ITFG2: variants seen among roughly 807,000 people sequenced by gnomAD.
ITFG2 encodes the protein KICSTOR complex protein ITFG2.
In ITFG2, 36 loss-of-function variants were observed where a neutral mutation model predicts 54.4. The observed-to-expected ratio is 0.66, with a 90% CI of 0.51 to 0.87. The LOEUF is 0.87. Among genes scored for constraint, ITFG2 ranks in the 40% least tolerant of loss-of-function variants. The probability of loss-of-function intolerance (pLI) is 0.00; values close to 1 mark genes in which losing one functional copy is unlikely to be tolerated. For synonymous variants in ITFG2, 211 were observed against 225.4 expected (o/e 0.94, Z 0.57); for missense variants, 524 against 576.7 (o/e 0.91, Z 0.94).
chr12:2,841,230 AG>A (rs1461075291), intron 2 of ITFG2, among the ~76,000 whole-genome samples: 2 of 152,232 alleles, frequency 1.3e-5, no homozygotes, highest in East Asian at 1.9e-4. Flanking sequence ...CCCGCTGCTC[AG>A]TCACCCTGGC....
At chr12:2,850,794 T>A (rs184460601) in intron 2 of ITFG2, among the ~76,000 whole-genome samples, 244 of 151,368 alleles carry the variant, frequency 1.6e-3, no homozygotes, top group African/African-American at 5.6e-3. Flanking sequence ...TGCCTCAGCC[T>A]CCCAAGTAGC....
Position 2,817,957 on chromosome 12 carries a change from A to C in ITFG2, c.234+7A>C, listed in dbSNP as rs771347341. 6.2e-7 allele frequency: 1 copy of C among 1,613,544 alleles called. No homozygotes were observed. The highest frequency in any genetic ancestry group is 1.1e-5 in the South Asian group (1 of 90,994). On this transcript the variant is annotated splice_region_variant and intron_variant, in intron 3 of 11. Transcript: ENST00000228799. ...CGTGTGTAATAAAGGAAAGGTAAGAACTATAGGGGACCTTCCTTGGTTCTT... is the reference window on the plus strand; with the variant it reads ...CGTGTGTAATAAAGGAAAGGTAAGACCTATAGGGGACCTTCCTTGGTTCTT...
At chr12:2,854,277 G>A (rs1248548220) in intron 2 of ITFG2, among the ~76,000 whole-genome samples, 1 of 151,944 alleles carries the variant, frequency 6.6e-6, no homozygotes, top group Non-Finnish European at 1.5e-5. Context: ...CGGCCGCCTC[G>A]GCCTCCTAAA....
chr12:2,827,492 A>G (rs2097974222), downstream of ITFG2: 10 of 1,548,158 alleles, frequency 6.5e-6, no homozygotes, highest in South Asian at 1.1e-4. This position sits in a 1 kb window ranked among gnomAD's most constrained non-coding sequence, Gnocchi z 4.0. Context: ...GTAAGTAAGG[A>G]ACCTCTAAGG....
chr12:2,827,575 C>T (rs1451113233), downstream of ITFG2: 3 of 1,613,650 alleles, frequency 1.9e-6, no homozygotes, highest in South Asian at 3.3e-5. This position sits in a 1 kb window ranked among gnomAD's most constrained non-coding sequence, Gnocchi z 4.0. Context: ...CCTGTGCCTT[C>T]TACTACTTTT....
chr12:2,820,272 A>G, intron 5 of ITFG2, 47 bp downstream of exon 5: 2 of 1,517,672 alleles, frequency 1.3e-6, no homozygotes, highest in Non-Finnish European at 1.8e-6. Context: ...GCTGGGAGGA[A>G]GGTCTCCTGG....
intron 2 of ITFG2, chr12:2,854,797 G>A (rs2098081983): frequency 3.2e-6 from 4 of 1,260,196 alleles, no homozygotes; most frequent in Admixed American, 2.7e-5. Flanking sequence ...GCCAGAGCGG[G>A]GAAGGACAGA....
chr12:2,859,757 T>C (rs1013724324), exon 4 of ITFG2: 60 of 934,788 alleles, frequency 6.4e-5, no homozygotes, highest in Non-Finnish European at 8.9e-5. Context: ...TGTGTCGTTT[T>C]GAAGTCTTAA....
At chr12:2,841,222 C>T (rs1008515044) in intron 2 of ITFG2, among the ~76,000 whole-genome samples, 1 of 152,192 alleles carries the variant, frequency 6.6e-6, no homozygotes, top group Non-Finnish European at 1.5e-5. Context: ...TCCTGGATCC[C>T]GCTGCTCAGT....
At chr12:2,827,077 G>C, downstream of ITFG2, 1 of 1,506,666 alleles carries the variant, frequency 6.6e-7, no homozygotes, top group Non-Finnish European at 8.8e-7. The surrounding 1 kb of genome is among the most constrained non-coding windows in gnomAD (Gnocchi z 4.0). Flanking sequence ...TGGGACAGCA[G>C]GGGTCAGGGA....
intron 2 of ITFG2, chr12:2,856,831 G>A (rs1354654267): frequency 3.0e-6 from 2 of 655,838 alleles, no homozygotes; most frequent in Non-Finnish European, 5.5e-6. Context: ...AAAAGGGGAA[G>A]ACAGCAGAAA....
At chr12:2,828,011 G>A (rs768310621), downstream of ITFG2, 28 of 1,614,064 alleles carry the variant, frequency 1.7e-5, no homozygotes, top group Admixed American at 2.5e-4. Flanking sequence ...CAGGGGCCAG[G>A]TCCCCAGCTG....
intron 2 of ITFG2, among the ~76,000 whole-genome samples, chr12:2,854,278 G>C (rs1257426413): frequency 6.6e-6 from 1 of 152,198 alleles, no homozygotes; most frequent in African/African-American, 2.4e-5. Flanking sequence ...GGCCGCCTCG[G>C]CCTCCTAAAG....
chr12:2,829,383 A>C (rs2097988295), downstream of ITFG2, among the ~76,000 whole-genome samples: 1 of 152,240 alleles, frequency 6.6e-6, no homozygotes, highest in African/African-American at 2.4e-5. Context: ...AAGATATGTT[A>C]CCGGAAGGTA....
chr12:2,812,941 A>C, intron 1 of ITFG2, 85 bp downstream of exon 1: 1 of 1,200,280 alleles, frequency 8.3e-7, no homozygotes, highest in Non-Finnish European at 1.2e-6. Context: ...CGAGCGTGCC[A>C]CGTGAGCGTG....
intron 2 of ITFG2, chr12:2,849,558 G>A: frequency 6.5e-7 from 1 of 1,534,892 alleles, no homozygotes; most frequent in Non-Finnish European, 8.7e-7. Context: ...AGAACAGAGA[G>A]ATCAAAGAAG....
rs938964222 is a variant in ITFG2, at chr12:2,824,519, T to C, written c.*326T>C. On this transcript the variant is annotated 3_prime_UTR_variant, in exon 12 of 12. Coordinates refer to ENST00000228799, the MANE Select transcript of ITFG2 (RefSeq NM_018463.4). ...TGTCACTGTGTTGAAAACAGAGACT[T>C]GTTTGTGTGGCCCCAACACCCATAA... 2.1e-5 allele frequency: 8 copies of C among 373,082 alleles called. No homozygotes were observed. The highest frequency in any genetic ancestry group is 3.6e-5 in the Non-Finnish European group (7 of 194,450). 23.1% of individuals were successfully genotyped at this position (373,082 alleles called of 1,614,324 possible). A position where few individuals can be genotyped will look rare whatever the true frequency, so the allele number is the denominator to read the frequency against.
At chr12:2,813,359 C>T (rs1473117624) in intron 1 of ITFG2, among the ~76,000 whole-genome samples, 1 of 152,184 alleles carries the variant, frequency 6.6e-6, no homozygotes, top group Non-Finnish European at 1.5e-5. Flanking sequence ...TTAGTGCTCA[C>T]TTAAGTGTTA....
intron 2 of ITFG2, chr12:2,848,945 C>G: frequency 2.4e-6 from 1 of 419,432 alleles, no homozygotes; most frequent in Non-Finnish European, 4.3e-6. Context: ...TCCTTAGGAA[C>G]TGGAGCCCCT....
Sources: gnomAD v4.1 joint callset for allele counts (sites outside exome capture counted in the v4.1 genomes callset) on GRCh38, gnomAD v4.1.1 for gene constraint, Gnocchi (gnomAD v3.1) non-coding constraint, MANE v1.5 for transcripts, NCBI Gene and HGNC (gene_info 2026-07-23, HGNC 2026-07-21) for gene names.